TMCO4: variants seen among roughly 807,000 people sequenced by gnomAD.
The protein encoded by TMCO4 is transmembrane and coiled-coil domain-containing protein 4.
TMCO4 carries 58 observed loss-of-function variants against 64.7 expected under a neutral mutation model. The ratio of observed to expected loss-of-function variants is 0.90; its 90% CI spans 0.73 to 1.12. TMCO4 has a LOEUF of 1.12. TMCO4 is among the 50% of genes most tolerant of loss of function. The pLI is 0.00. For synonymous variants in TMCO4, 325 were observed against 346.1 expected (o/e 0.94, Z 0.68); for missense variants, 780 against 825.9 (o/e 0.94, Z 0.68).
At chr1:19,749,535 T>G (rs1004794270) in intron 7 of TMCO4, among the ~76,000 whole-genome samples, 5 of 152,056 alleles carry the variant, frequency 3.3e-5, no homozygotes, top group African/African-American at 1.2e-4. Context: ...GCTTGGGTAA[T>G]TTTTGTACTT....
rs773432770 is a variant in TMCO4 at position 19,755,721 on chromosome 1, G to A, written c.428C>T (p.Ser143Phe). 1.2e-6 allele frequency: 2 copies of A among 1,614,152 alleles called. No individual in the cohort carries two copies. Among genetic ancestry groups the A allele is most frequent in the Admixed American group, 3.3e-5 (2 of 60,024 alleles). The change falls in exon 7 of 16, where the codon TCC becomes TTC. Residue 143 changes from serine (S) to phenylalanine (F), a missense_variant. Ser to Phe is a radical substitution (Grantham distance 155, BLOSUM62 -2). Coordinates refer to ENST00000294543, the MANE Select transcript of TMCO4 (RefSeq NM_181719.7). The part of the protein sequence containing the change: ...RARVLVCHMT[S>F]LLQVPLEELD... ...CTCCTCCAAGGGCACTTGGAGCAGG[G>A]AGGTCATGTGGCAAACGAGGACTCT...
intron 15 of TMCO4, among the ~76,000 whole-genome samples, chr1:19,694,189 A>C (rs2095219061): frequency 6.6e-6 from 1 of 152,058 alleles, no homozygotes; most frequent in South Asian, 2.1e-4. Flanking sequence ...TTTTATAGAG[A>C]TAGGGTTTTG....
intron 6 of TMCO4, among the ~76,000 whole-genome samples, chr1:19,757,159 C>T (rs71579820): frequency 2.2e-5 from 3 of 135,414 alleles, no homozygotes; most frequent in South Asian, 2.4e-4. Flanking sequence ...GGCGTGGTGG[C>T]GGGGGGGGGC....
intron 6 of TMCO4, among the ~76,000 whole-genome samples, chr1:19,763,074 CTTTT>C (rs1240894817): frequency 6.7e-6 from 1 of 149,130 alleles, no homozygotes; most frequent in African/African-American, 2.4e-5. Context: ...ATATCTTTTT[CTTTT>C]TTTCTTTTTT....
At chr1:19,755,804 T>C (rs1403781990) in intron 6 of TMCO4, 38 bp from the exon 7 acceptor site, 3 of 1,613,232 alleles carry the variant, frequency 1.9e-6, no homozygotes, top group African/African-American at 1.3e-5. Context: ...AGAATCAGTT[T>C]AGGTTTTAAG....
intron 4 of TMCO4, among the ~76,000 whole-genome samples, chr1:19,777,033 A>G (rs2043239277): frequency 1.3e-5 from 2 of 150,732 alleles, no homozygotes; most frequent in South Asian, 2.1e-4. Flanking sequence ...TCTCAAAAAA[A>G]AAAAAAAAAA....
intron 13 of TMCO4, among the ~76,000 whole-genome samples, chr1:19,719,240 ATGTT>A (rs1227720990): frequency 6.6e-6 from 1 of 152,148 alleles, no homozygotes; most frequent in Non-Finnish European, 1.5e-5. Flanking sequence ...TTGGCTAATT[ATGTT>A]TGAACCTGAG....
intron 12 of TMCO4, 69 bp downstream of exon 12, chr1:19,739,755 C>A: frequency 6.4e-7 from 1 of 1,563,700 alleles, no homozygotes; most frequent in Non-Finnish European, 8.7e-7. Context: ...AGGCTGATAT[C>A]TGTGAACAAG....
intron 4 of TMCO4, among the ~76,000 whole-genome samples, chr1:19,773,263 C>T (rs1229841315): frequency 6.6e-6 from 1 of 152,094 alleles, no homozygotes; most frequent in Non-Finnish European, 1.5e-5. Context: ...TGGGAAGCTG[C>T]CCTGAAATGA....
At chr1:19,684,665 T>C (rs1344296836) in intron 15 of TMCO4, among the ~76,000 whole-genome samples, 1 of 152,182 alleles carries the variant, frequency 6.6e-6, no homozygotes, top group East Asian at 1.9e-4. Context: ...ACTCTGCCGT[T>C]TATTCTTTAG....
chr1:19,690,302 C>T (rs1339538047), intron 15 of TMCO4, among the ~76,000 whole-genome samples: 2 of 152,202 alleles, frequency 1.3e-5, no homozygotes, highest in Non-Finnish European at 2.9e-5. Flanking sequence ...AGCTGCCCCA[C>T]GTGATGGGGT....
chr1:19,717,249 G>A (rs943838369), intron 13 of TMCO4, among the ~76,000 whole-genome samples: 8 of 152,304 alleles, frequency 5.3e-5, no homozygotes, highest in Non-Finnish European at 7.4e-5. Flanking sequence ...ACTAGAGGGT[G>A]TGTGGCTTCC....
chr1:19,777,897 C>T (rs1254766824), intron 4 of TMCO4, among the ~76,000 whole-genome samples: 1 of 152,126 alleles, frequency 6.6e-6, no homozygotes, highest in Non-Finnish European at 1.5e-5. Flanking sequence ...GTTAGCCAGG[C>T]ATGGTGGCAT....
chr1:19,694,614 C>T (rs988919141), intron 14 of TMCO4, 63 bp from the exon 15 acceptor site: 53 of 1,505,892 alleles, frequency 3.5e-5, no homozygotes, highest in Non-Finnish European at 4.3e-5. Flanking sequence ...AAGGACAGGA[C>T]GGGCCAGGCT....
intron 13 of TMCO4, among the ~76,000 whole-genome samples, chr1:19,723,465 G>A (rs1570764003): frequency 6.6e-6 from 1 of 152,296 alleles, no homozygotes; most frequent in East Asian, 1.9e-4. Context: ...TCTTCCCTGG[G>A]GGTTACTGGG....
Position 19,732,915 on chromosome 1 carries a change from T to C in TMCO4, c.1264+4457A>G, listed in dbSNP as rs78611258. The stretch of plus-strand genomic sequence containing the variant: ...CTTCTTTTAAAATGTAGAGGTTTTC[T>C]TTTTTTCTTTCTTCTCGTTTTTCTT... On this transcript the variant is annotated intron_variant, in intron 13 of 15. Transcript: ENST00000294543. This position sits in a 1 kb window ranked among gnomAD's most constrained non-coding sequence, Gnocchi z 4.8. 0.012 allele frequency among the ~76,000 whole-genome samples: 1,856 copies of C among 152,160 alleles called. 28 individuals are homozygous for C. Among genetic ancestry groups the C allele is most frequent in the African/African-American group, 0.04 (1,642 of 41,514 alleles).
chr1:19,777,754 A>G (rs1418573083), intron 4 of TMCO4, among the ~76,000 whole-genome samples: 1 of 152,234 alleles, frequency 6.6e-6, no homozygotes, highest in Non-Finnish European at 1.5e-5. Context: ...ACTGTGTTCT[A>G]TTACTTGTAG....
chr1:19,722,805 C>T (rs945002057), intron 13 of TMCO4, among the ~76,000 whole-genome samples: 1 of 152,124 alleles, frequency 6.6e-6, no homozygotes, highest in African/African-American at 2.4e-5. Context: ...CAAGCTCTGA[C>T]CCTGGGGCAA....
chr1:19,723,536 A>T (rs59993606), intron 13 of TMCO4, among the ~76,000 whole-genome samples: 3 of 152,286 alleles, frequency 2.0e-5, no homozygotes, highest in Middle Eastern at 3.4e-3. Context: ...TAAAGTCTGC[A>T]TGCTCAGCTC....
Sources: allele counts gnomAD v4.1 joint callset (sites outside exome capture counted in the v4.1 genomes callset), GRCh38; gene constraint gnomAD v4.1.1; non-coding constraint Gnocchi (gnomAD v3.1); transcripts MANE v1.5; gene names NCBI Gene and HGNC (gene_info 2026-07-23, HGNC 2026-07-21).